BCR: variants seen among roughly 807,000 people sequenced by gnomAD.
BCR encodes the protein breakpoint cluster region protein.
BCR carries 58 observed loss-of-function variants against 138.6 expected under a neutral mutation model. That is an observed-to-expected ratio of 0.42 (90% CI 0.34 to 0.52). The LOEUF is 0.52. BCR is among the 20% of genes least tolerant of loss of function. BCR has a pLI of 0.06. For synonymous variants in BCR, 786 were observed against 730.1 expected, an observed-to-expected ratio of 1.08 and a Z score of -1.23; for missense variants, 1,599 against 1,727.2, an observed-to-expected ratio of 0.93 and a Z score of 1.32.
chr22:23,307,352 C>T (rs2073961735), intron 16 of BCR, among the ~76,000 whole-genome samples: 1 of 151,984 alleles, frequency 6.6e-6, no homozygotes, highest in Admixed American at 6.6e-5. Flanking sequence ...GATCCTCCTG[C>T]CTCGGCCTTT....
intron 4 of BCR, 84 bp downstream of exon 4, chr22:23,261,624 G>T (rs2073357866): frequency 6.9e-7 from 1 of 1,446,756 alleles, no homozygotes. Flanking sequence ...TAGAGACAGG[G>T]TTTTGCTATG....
chr22:23,181,569 G>C lies in BCR; in HGVS notation c.609G>C (p.Leu203=). 1 of 1,612,946 alleles carries C rather than the reference G, an allele frequency of 6.2e-7. No homozygotes were observed. The highest frequency in any genetic ancestry group is 8.5e-7 in the Non-Finnish European group (1 of 1,179,990). Residue 203 remains leucine (L), a synonymous_variant, in exon 1 of 23, where the codon CTG becomes CTC. Transcript: ENST00000305877. The part of the protein sequence containing the change: ...DKEVSDRISS[L]GSQAMQMERK... ...AGGTGTCGGACCGCATCAGCTCCCT[G>C]GGCAGCCAGGCCATGCAGATGGAGC...
rs528551356 is a variant in BCR, at chr22:23,196,992, A to G, written c.1279+14753A>G. Among the ~76,000 whole-genome samples, 3 of 152,322 alleles carry G rather than the reference A, an allele frequency of 2.0e-5. 1 individual carries two copies. The South Asian group carries it at 6.2e-4, about 32-fold the overall frequency. ...TGCTCAAGTCCTTATGTAAAATGCC[A>G]TAGCTAGCTTTTGCATATAACCTAT... On this transcript the variant is annotated intron_variant, in intron 1 of 22. Transcript: ENST00000305877.
intron 4 of BCR, chr22:23,262,790 A>G (rs940718381): frequency 1.0e-6 from 1 of 969,226 alleles, no homozygotes; most frequent in Non-Finnish European, 1.2e-6. Flanking sequence ...AAGGAAGGGG[A>G]AGAGGAAGGG....
At chr22:23,283,543 G>A in intron 8 of BCR, 1 of 167,226 alleles carries the variant, frequency 6.0e-6, no homozygotes, top group Non-Finnish European at 1.3e-5. Context: ...CTCCTGGCAT[G>A]GCTGGCTTCT....
intron 5 of BCR, 26 bp from the exon 6 acceptor site, chr22:23,271,506 G>T (rs761838306): frequency 3.1e-6 from 5 of 1,613,034 alleles, no homozygotes; most frequent in Middle Eastern, 1.7e-4. Flanking sequence ...TGTCATCTGT[G>T]TGAACATGCG....
chr22:23,248,396 A>G (rs180770983), intron 1 of BCR, among the ~76,000 whole-genome samples: 4 of 152,010 alleles, frequency 2.6e-5, no homozygotes, highest in Admixed American at 2.6e-4. Flanking sequence ...TAGGAGTAGA[A>G]TTGCTGGATC....
chr22:23,254,569 G>GC (rs11435513), intron 2 of BCR: 119,112 of 518,268 alleles, frequency 0.23, 15,257 homozygotes, highest in Middle Eastern at 0.33. Context: ...GTGGACCCAC[G>GC]CCCCCCCTCA....
chr22:23,314,383 C>T (rs1388498666), intron 21 of BCR, among the ~76,000 whole-genome samples, 169 bp from the exon 22 acceptor site: 1 of 152,228 alleles, frequency 6.6e-6, no homozygotes, highest in African/African-American at 2.4e-5. Flanking sequence ...CCAGAGCTGG[C>T]TCCTTGTCCT....
At chr22:23,242,009 C>T (rs909487269) in intron 1 of BCR, among the ~76,000 whole-genome samples, 1 of 152,192 alleles carries the variant, frequency 6.6e-6, no homozygotes, top group Non-Finnish European at 1.5e-5. Context: ...CTTCCAGCCC[C>T]CCTTAGCTCT....
In BCR at chr22:23,182,255, C is replaced by T. The variant is rs1429709419; in HGVS notation, c.1279+16C>T. The T allele has an allele frequency of 6.5e-7, 1 of 1,538,498 alleles. No homozygotes were observed. Among genetic ancestry groups the T allele is most frequent in the Non-Finnish European group, 8.7e-7 (1 of 1,143,824 alleles). Reference sequence around the variant, plus strand: ...GGAGACGCAGGTGAGTTCCTCACGCCACGTGCGTGGGCACACCTGCACGGG... The same window carrying T: ...GGAGACGCAGGTGAGTTCCTCACGCTACGTGCGTGGGCACACCTGCACGGG... On this transcript the variant is annotated intron_variant, in intron 1 of 22. Coordinates refer to ENST00000305877, the MANE Select transcript of BCR (RefSeq NM_004327.4).
At chr22:23,281,075 C>T (rs1728855159) in intron 8 of BCR, among the ~76,000 whole-genome samples, 1 of 152,246 alleles carries the variant, frequency 6.6e-6, no homozygotes, top group Non-Finnish European at 1.5e-5. Context: ...GGCACTCACA[C>T]TCACACAAGA....
intron 8 of BCR, among the ~76,000 whole-genome samples, chr22:23,282,371 C>T (rs1001122727): frequency 4.6e-5 from 7 of 152,216 alleles, no homozygotes; most frequent in Non-Finnish European, 1.0e-4. Flanking sequence ...CTTGGCACGC[C>T]GGCAGCCTTC....
intron 10 of BCR, among the ~76,000 whole-genome samples, chr22:23,285,792 T>A (rs1386400111): frequency 1.3e-5 from 2 of 152,206 alleles, no homozygotes; most frequent in Non-Finnish European, 2.9e-5. Context: ...TGTCCCTGGG[T>A]CATGCAAGGC....
chr22:23,230,727 G>A (rs913368489), intron 1 of BCR, among the ~76,000 whole-genome samples: 3 of 152,230 alleles, frequency 2.0e-5, no homozygotes, highest in African/African-American at 7.2e-5. Context: ...TCCAGGGAGA[G>A]AAAGCCTTCA....
chr22:23,192,886 GCAGGGC>G (rs1019990143), intron 1 of BCR, among the ~76,000 whole-genome samples: 5 of 152,176 alleles, frequency 3.3e-5, no homozygotes, highest in Non-Finnish European at 7.3e-5. Flanking sequence ...AGGGCCAGGT[GCAGGGC>G]CCAGAGAGCC....
intron 4 of BCR, among the ~76,000 whole-genome samples, chr22:23,262,554 C>G (rs553289864): frequency 1.2e-4 from 18 of 152,346 alleles, no homozygotes; most frequent in African/African-American, 4.3e-4. Flanking sequence ...TTGAAGCCCC[C>G]CCACCCCCGT....
At chr22:23,185,393 C>T (rs932026727) in intron 1 of BCR, among the ~76,000 whole-genome samples, 1 of 152,098 alleles carries the variant, frequency 6.6e-6, no homozygotes, top group Non-Finnish European at 1.5e-5. Flanking sequence ...CGGCCGGGCG[C>T]GGTGGCTCAA....
At chr22:23,309,833 G>A in intron 17 of BCR, 1 of 377,032 alleles carries the variant, frequency 2.7e-6, no homozygotes, top group Non-Finnish European at 4.8e-6. Flanking sequence ...TAAAAGCAAT[G>A]ACACACCCAA....
Sources: allele counts gnomAD v4.1 joint callset (sites outside exome capture counted in the v4.1 genomes callset), GRCh38; gene constraint gnomAD v4.1.1; transcripts MANE v1.5; gene names NCBI Gene and HGNC (gene_info 2026-07-23, HGNC 2026-07-21).